The following MTERF4 variants were observed in gnomAD, a reference collection of about 807,000 sequenced individuals.
The protein encoded by MTERF4 is transcription termination factor 4, mitochondrial.
Under a neutral mutation model 22.5 loss-of-function variants are expected in MTERF4, and 17 were observed. The observed-to-expected ratio is 0.75, with a 90% CI of 0.52 to 1.13. The LOEUF is 1.13. MTERF4 is among the 50% of genes most tolerant of loss of function. MTERF4 has a pLI of 0.00. For missense variants in MTERF4, 420 were observed against 466.8 expected (o/e 0.90, Z 0.92); for synonymous variants, 165 against 175.3 (o/e 0.94, Z 0.47).
chr2:241,046,456 A>T, the MTERF4 span, among the ~76,000 whole-genome samples: 2 of 152,360 alleles, frequency 1.3e-5, no homozygotes, highest in South Asian at 4.1e-4. Context: ...GTATGGTGGA[A>T]TACTACTCAG....
the MTERF4 span, among the ~76,000 whole-genome samples, chr2:241,058,773 AC>A: frequency 1.3e-5 from 2 of 152,106 alleles, no homozygotes; most frequent in African/African-American, 4.8e-5. Flanking sequence ...ACACGGTGAA[AC>A]CCCGTCTCTA....
At chr2:241,089,982 G>C (rs1163953621), downstream of MTERF4, 2 of 1,548,620 alleles carry the variant, frequency 1.3e-6, no homozygotes, top group African/African-American at 1.4e-5. Flanking sequence ...TGGTATACCT[G>C]GGCAGGGCGC....
At chr2:241,101,767 C>T (rs1291410182) in intron 1 of MTERF4, among the ~76,000 whole-genome samples, 5 of 152,198 alleles carry the variant, frequency 3.3e-5, no homozygotes, top group African/African-American at 4.8e-5. Context: ...CAACAGTCAA[C>T]TCAGGCCGGG....
At chr2:241,093,032 AT>A (rs2064139703), downstream of MTERF4, 1 of 152,126 alleles carries the variant, frequency 6.6e-6, no homozygotes, top group East Asian at 1.9e-4. Flanking sequence ...GTTAGAGTAT[AT>A]TTTAGGCTTT....
chr2:241,090,543 A>G (rs1029710161), downstream of MTERF4: 6 of 1,374,022 alleles, frequency 4.4e-6, no homozygotes, highest in Admixed American at 9.6e-5. Flanking sequence ...TGTATGTGCT[A>G]GACTTCTATA....
At chr2:241,069,846 G>T, downstream of MTERF4, 1 of 1,531,238 alleles carries the variant, frequency 6.5e-7, no homozygotes, top group Non-Finnish European at 8.8e-7. The surrounding 1 kb of genome is among the most constrained non-coding windows in gnomAD (Gnocchi z 4.9). Context: ...GCCCATGTCC[G>T]GTTCTCAAAC....
the MTERF4 span, chr2:241,048,605 G>C: frequency 1.3e-6 from 2 of 1,528,076 alleles, no homozygotes; most frequent in South Asian, 1.2e-5. Context: ...GGTCTGGAGC[G>C]AGGGTGCCAT....
At chr2:241,084,134 A>AT (rs368364855), downstream of MTERF4, among the ~76,000 whole-genome samples, 32,940 of 123,088 alleles carry the variant, frequency 0.27, 4,560 homozygotes, top group Middle Eastern at 0.33. Context: ...AGCGTCTAGG[A>AT]TTTTTTTTTT....
the MTERF4 span, chr2:241,064,914 C>G: frequency 6.3e-7 from 1 of 1,586,442 alleles, no homozygotes; most frequent in Non-Finnish European, 8.5e-7. This position sits in a 1 kb window ranked among gnomAD's most constrained non-coding sequence, Gnocchi z 7.0. Context: ...GCTCCCACAG[C>G]TGCACCTGCA....
downstream of MTERF4, chr2:241,082,222 G>C (rs1429577679): frequency 1.4e-6 from 2 of 1,421,300 alleles, no homozygotes; most frequent in African/African-American, 2.8e-5. Flanking sequence ...CTCTCAAGAG[G>C]GGCAGGAGGA....
At chr2:241,077,065 C>T (rs1050951433) in intron 4 of MTERF4, among the ~76,000 whole-genome samples, 4 of 146,212 alleles carry the variant, frequency 2.7e-5, no homozygotes, top group East Asian at 4.0e-4. Flanking sequence ...GGCGACAGAG[C>T]GAGACTCCGT....
At chr2:241,049,147 G>C in the MTERF4 span, 9 of 1,603,286 alleles carry the variant, frequency 5.6e-6, no homozygotes, top group South Asian at 4.5e-5. Flanking sequence ...TGAGTAGCTC[G>C]GGGACGAGCC....
At chr2:241,046,639 AGG>A in the MTERF4 span, among the ~76,000 whole-genome samples, 1 of 152,316 alleles carries the variant, frequency 6.6e-6, no homozygotes, top group East Asian at 1.9e-4. Context: ...CCAGGGACTG[AGG>A]GGTAACAGGA....
At position 241,073,200 on chromosome 2, in the gene MTERF4, G is replaced by A; in HGVS notation, n.2962C>T. 5.9e-6 allele frequency: 7 copies of A among 1,179,182 alleles called. No homozygotes were observed. The Admixed American group carries it at 1.3e-4, about 21-fold the overall frequency. 73.0% of individuals were successfully genotyped at this position (1,179,182 alleles called of 1,614,324 possible). On this transcript the variant is annotated non_coding_transcript_exon_variant, in exon 5 of 5. Transcript: ENST00000464344. This position sits in a 1 kb window ranked among gnomAD's most constrained non-coding sequence, Gnocchi z 6.6. Reference sequence around the variant, plus strand: ...CTGAGATATAGAAGCACTCAAAAGGGTGGCCCCAGGACCATCCCGGGTGCA... The same window carrying A: ...CTGAGATATAGAAGCACTCAAAAGGATGGCCCCAGGACCATCCCGGGTGCA...
chr2:241,097,042 CT>C (rs2064467273), intron 3 of MTERF4, 200 bp downstream of exon 3: 1 of 621,204 alleles, frequency 1.6e-6, no homozygotes, highest in South Asian at 2.0e-5. Context: ...AGAATCTAGT[CT>C]TTCACTTCCT....
At chr2:241,072,393 G>A in exon 5 of MTERF4, 1 of 363,746 alleles carries the variant, frequency 2.7e-6, no homozygotes, top group Admixed American at 3.7e-5. Flanking sequence ...CTGGGAATCT[G>A]CCTGTGATTC....
chr2:241,081,669 G>T (rs745608493), intron 4 of MTERF4: 3 of 1,587,078 alleles, frequency 1.9e-6, no homozygotes, highest in Non-Finnish European at 2.6e-6. Context: ...CGTGACCTCT[G>T]TTTCCAGACG....
At chr2:241,084,497 G>A (rs1323800002), downstream of MTERF4, among the ~76,000 whole-genome samples, 3 of 152,064 alleles carry the variant, frequency 2.0e-5, no homozygotes, top group Admixed American at 6.6e-5. Context: ...ACTTCACGCC[G>A]CATACCTTTA....
chr2:241,045,978 A>G, the MTERF4 span, among the ~76,000 whole-genome samples: 1 of 152,216 alleles, frequency 6.6e-6, no homozygotes, highest in Admixed American at 6.5e-5. Context: ...AAACAACCCA[A>G]TTTTAAAAAT....
Sources: allele counts gnomAD v4.1 joint callset (sites outside exome capture counted in the v4.1 genomes callset), GRCh38; gene constraint gnomAD v4.1.1; non-coding constraint Gnocchi (gnomAD v3.1); transcripts MANE v1.5; gene names NCBI Gene and HGNC (gene_info 2026-07-23, HGNC 2026-07-21).